SLC24A3: variants seen among roughly 807,000 people sequenced by gnomAD.
SLC24A3 encodes the protein sodium/potassium/calcium exchanger 3.
In SLC24A3, 28 loss-of-function variants were observed where a neutral mutation model predicts 75.8. The observed-to-expected ratio is 0.37, with a 90% CI of 0.27 to 0.51. The LOEUF is 0.51. SLC24A3 is among the 20% of genes least tolerant of loss of function. SLC24A3 has a pLI of 0.94. For synonymous variants in SLC24A3, 372 were observed against 334.1 expected (o/e 1.11, Z -1.24); for missense variants, 663 against 847.8 (o/e 0.78, Z 2.71).
At chr20:19,693,199 C>T in intron 12 of SLC24A3, 60 bp from the exon 13 acceptor site, 1 of 1,535,668 alleles carries the variant, frequency 6.5e-7, no homozygotes, top group East Asian at 2.3e-5. Context: ...AGAAATAAAG[C>T]TAACTGGGGT....
chr20:19,717,355 C>T lies in SLC24A3; in HGVS notation c.1720-173C>T, dbSNP rs531195623. Among the ~76,000 whole-genome samples the T allele has an allele frequency of 4.6e-5, 7 of 152,300 alleles. No individual in the cohort carries two copies. In the South Asian group the frequency reaches 1.0e-3, roughly 23 times the overall value. On this transcript the variant is annotated intron_variant, in intron 15 of 16. Transcript: ENST00000328041. Reference sequence around the variant, plus strand: ...AGCCTTGGGTTTCCAGAACAGCACACGTCTCAAGTATAAGCTGTGGAGCTG... The same window carrying T: ...AGCCTTGGGTTTCCAGAACAGCACATGTCTCAAGTATAAGCTGTGGAGCTG...
intron 4 of SLC24A3, among the ~76,000 whole-genome samples, chr20:19,583,204 G>A (rs2031243546): frequency 6.6e-6 from 1 of 152,164 alleles, no homozygotes; most frequent in African/African-American, 2.4e-5. Flanking sequence ...AGAGAGAGTG[G>A]GGGAAGGAGA....
chr20:19,619,365 G>A (rs1022534880), intron 6 of SLC24A3, among the ~76,000 whole-genome samples: 1 of 152,172 alleles, frequency 6.6e-6, no homozygotes, highest in East Asian at 1.9e-4. Flanking sequence ...GGGAGCCTCA[G>A]ATGTTCTCTC....
intron 2 of SLC24A3, among the ~76,000 whole-genome samples, chr20:19,361,973 A>G (rs1426406658): frequency 2.0e-5 from 3 of 152,176 alleles, no homozygotes; most frequent in Non-Finnish European, 2.9e-5. Context: ...TCTCAGTCGT[A>G]TCTCGTTTTC....
At chr20:19,457,534 AAC>A (rs145184330) in intron 2 of SLC24A3, among the ~76,000 whole-genome samples, 2,981 of 152,360 alleles carry the variant, frequency 0.02, 89 homozygotes, top group African/African-American at 0.069. Context: ...TGACAAAGTC[AAC>A]ACTGCTTTTT....
chr20:19,653,970 C>A, intron 6 of SLC24A3, 92 bp from the exon 7 acceptor site: 3 of 1,021,366 alleles, frequency 2.9e-6, no homozygotes, highest in Non-Finnish European at 4.5e-6. Context: ...GGACAGGAGG[C>A]CTAGACAGGA....
intron 1 of SLC24A3, among the ~76,000 whole-genome samples, chr20:19,219,853 C>A (rs1199475541): frequency 6.6e-6 from 1 of 152,190 alleles, no homozygotes; most frequent in African/African-American, 2.4e-5. Flanking sequence ...TCTGGAGACA[C>A]AGCTGTTCTG....
At chr20:19,307,799 A>G (rs1568585088) in intron 2 of SLC24A3, among the ~76,000 whole-genome samples, 1 of 152,162 alleles carries the variant, frequency 6.6e-6, no homozygotes, top group Admixed American at 6.5e-5. Context: ...AGTTTTGGCA[A>G]CCAAAAAAAA....
At chr20:19,230,062 A>ATTT (rs11087276) in intron 1 of SLC24A3, among the ~76,000 whole-genome samples, 1 of 147,056 alleles carries the variant, frequency 6.8e-6, no homozygotes, top group African/African-American at 2.5e-5. Flanking sequence ...CCCATAATAG[A>ATTT]TTTTTTTTTT....
chr20:19,699,667 A>T (rs2032849613), intron 15 of SLC24A3, among the ~76,000 whole-genome samples: 1 of 152,210 alleles, frequency 6.6e-6, no homozygotes, highest in Non-Finnish European at 1.5e-5. Context: ...AGGATATGGG[A>T]TAAAAGGAGC....
chr20:19,260,007 A>G (rs1982932945), intron 1 of SLC24A3, among the ~76,000 whole-genome samples: 1 of 152,246 alleles, frequency 6.6e-6, no homozygotes, highest in Non-Finnish European at 1.5e-5. Flanking sequence ...CCTGAGATTA[A>G]GGTAGCAAAA....
chr20:19,243,602 G>A (rs1040137107), intron 1 of SLC24A3, among the ~76,000 whole-genome samples: 1 of 152,318 alleles, frequency 6.6e-6, no homozygotes, highest in Non-Finnish European at 1.5e-5. Flanking sequence ...AACTTGCAAA[G>A]CTTCTTCTGG....
chr20:19,605,063 G>A (rs1000547004), intron 6 of SLC24A3, among the ~76,000 whole-genome samples: 6 of 152,156 alleles, frequency 3.9e-5, no homozygotes, highest in African/African-American at 1.2e-4. Context: ...GTCTGACCAC[G>A]GCTTATGCTA....
intron 2 of SLC24A3, among the ~76,000 whole-genome samples, chr20:19,292,354 C>T (rs1029692874): frequency 4.6e-5 from 7 of 152,052 alleles, no homozygotes; most frequent in East Asian, 1.9e-4. Flanking sequence ...GTTTTTAGGG[C>T]GTGGGAGTTT....
chr20:19,298,789 T>G (rs1162077221), intron 2 of SLC24A3, among the ~76,000 whole-genome samples: 1 of 152,202 alleles, frequency 6.6e-6, no homozygotes, highest in African/African-American at 2.4e-5. Flanking sequence ...TGTGAGCAAC[T>G]CAGTTTAATC....
At chr20:19,252,291 G>A (rs1356199575) in intron 1 of SLC24A3, among the ~76,000 whole-genome samples, 3 of 152,206 alleles carry the variant, frequency 2.0e-5, no homozygotes, top group East Asian at 1.9e-4. Flanking sequence ...TGGAAATGGA[G>A]CCAGTCTTTC....
intron 2 of SLC24A3, among the ~76,000 whole-genome samples, chr20:19,360,811 A>T (rs1342534240): frequency 4.0e-5 from 6 of 150,870 alleles, no homozygotes; most frequent in African/African-American, 1.5e-4. Context: ...ACCCTATTGA[A>T]GTACTAGCAT....
At chr20:19,311,800 C>T (rs1466777841) in intron 2 of SLC24A3, among the ~76,000 whole-genome samples, 1 of 152,182 alleles carries the variant, frequency 6.6e-6, no homozygotes, top group African/African-American at 2.4e-5. Context: ...GCCACACTTA[C>T]TTTCCACACT....
chr20:19,577,598 A>G (rs1239697747), intron 3 of SLC24A3, among the ~76,000 whole-genome samples: 1 of 152,262 alleles, frequency 6.6e-6, no homozygotes, highest in African/African-American at 2.4e-5. Flanking sequence ...AAATACAGAT[A>G]GAGTCACACC....
Sources: allele counts gnomAD v4.1 joint callset (sites outside exome capture counted in the v4.1 genomes callset), GRCh38; gene constraint gnomAD v4.1.1; transcripts MANE v1.5; gene names NCBI Gene and HGNC (gene_info 2026-07-23, HGNC 2026-07-21).